Variants in SHC3 observed in about 807,000 individuals in gnomAD.
The protein encoded by SHC3 is SHC-transforming protein 3.
Under a neutral mutation model 60.4 loss-of-function variants are expected in SHC3, and 15 were observed. The observed-to-expected ratio is 0.25, with a 90% CI of 0.17 to 0.38. The LOEUF (loss-of-function observed/expected upper bound fraction) is 0.38. Ranked by LOEUF, SHC3 falls within the 10% of genes least tolerant of loss-of-function variation. SHC3 has a pLI of 1.00. For synonymous variants in SHC3, 294 were observed against 325.9 expected, an observed-to-expected ratio of 0.90 and a Z score of 1.05; for missense variants, 677 against 786.1, an observed-to-expected ratio of 0.86 and a Z score of 1.66.
rs189690791 is a variant in SHC3 at position 89,140,342 on chromosome 9, C to G, written c.475-27716G>C. Among the ~76,000 whole-genome samples the G allele has an allele frequency of 1.4e-4, 22 of 152,160 alleles. No individual in the cohort carries two copies. In the East Asian group the frequency reaches 2.5e-3, roughly 17 times the overall value. ...GCTGGAAGGCAAACAGATTCCCCCC[C>G]CCAGATTAAGGGTCCTGCTTTTATA... is the stretch of plus-strand genomic sequence containing the variant. On this transcript the variant is annotated intron_variant, in intron 1 of 11. Coordinates refer to ENST00000375835, the MANE Select transcript of SHC3 (RefSeq NM_016848.6).
intron 1 of SHC3, among the ~76,000 whole-genome samples, chr9:89,170,922 C>T (rs887605908): frequency 6.6e-6 from 1 of 152,108 alleles, no homozygotes; most frequent in Non-Finnish European, 1.5e-5. Context: ...TGAACATGCT[C>T]GAATTTTGGT....
intron 5 of SHC3, among the ~76,000 whole-genome samples, chr9:89,068,211 C>T (rs1352018380): frequency 6.6e-6 from 1 of 152,228 alleles, no homozygotes; most frequent in Admixed American, 6.5e-5. Flanking sequence ...CCAAGACCCC[C>T]TGTGCCTGGC....
chr9:89,063,817 T>A (rs1825131157), intron 6 of SHC3, among the ~76,000 whole-genome samples: 1 of 152,262 alleles, frequency 6.6e-6, no homozygotes, highest in African/African-American at 2.4e-5. Flanking sequence ...TTGAAGTAGT[T>A]TGTTACAGGC....
intron 1 of SHC3, among the ~76,000 whole-genome samples, chr9:89,147,799 T>G (rs948715506): frequency 6.6e-6 from 1 of 151,920 alleles, no homozygotes; most frequent in Non-Finnish European, 1.5e-5. Flanking sequence ...ATTCCCTTCC[T>G]CCCTGATGAT....
chr9:89,087,461 C>A (rs1281007990), intron 2 of SHC3, among the ~76,000 whole-genome samples: 1 of 152,142 alleles, frequency 6.6e-6, no homozygotes, highest in Non-Finnish European at 1.5e-5. Flanking sequence ...ATGGCCTCCC[C>A]CTGCTCTTGG....
Position 89,138,768 on chromosome 9 carries a change from A to T in SHC3, c.475-26142T>A, listed in dbSNP as rs545836973. Among the ~76,000 whole-genome samples, 3 of 152,198 alleles carry T rather than the reference A, an allele frequency of 2.0e-5. No individual in the cohort carries two copies. The South Asian group carries it at 6.2e-4, about 32-fold the overall frequency. ...TCCTAAGGGTTGCGGAGGGATAAAG[A>T]TCCATCTTCTGTAACTTCTTCAGGA... is the stretch of plus-strand genomic sequence containing the variant. On this transcript the variant is annotated intron_variant, in intron 1 of 11. Transcript: ENST00000375835.
intron 8 of SHC3, 120 bp from the exon 9 acceptor site, chr9:89,045,953 C>A (rs1277632109): frequency 1.2e-6 from 1 of 854,748 alleles, no homozygotes; most frequent in East Asian, 2.7e-5. Flanking sequence ...CTCTGTTACA[C>A]CCAATTTTCC....
intron 3 of SHC3, 36 bp from the exon 4 acceptor site, chr9:89,075,264 T>A: frequency 1.2e-6 from 2 of 1,608,282 alleles, no homozygotes; most frequent in African/African-American, 2.7e-5. Context: ...AGCTGTTTCA[T>A]TTCCATCTCA....
At chr9:89,087,767 T>G (rs533384783) in intron 2 of SHC3, among the ~76,000 whole-genome samples, 7 of 152,278 alleles carry the variant, frequency 4.6e-5, no homozygotes, top group Admixed American at 3.9e-4. Context: ...CTAGTTCAGG[T>G]CCTGATGGGA....
intron 1 of SHC3, among the ~76,000 whole-genome samples, chr9:89,151,802 G>T (rs2118219028): frequency 6.6e-6 from 1 of 152,252 alleles, no homozygotes; most frequent in South Asian, 2.1e-4. Context: ...ATAATTCATG[G>T]ACATTTTAAG....
intron 1 of SHC3, among the ~76,000 whole-genome samples, chr9:89,114,858 A>C (rs553690782): frequency 6.6e-6 from 1 of 152,180 alleles, no homozygotes; most frequent in Non-Finnish European, 1.5e-5. Context: ...GCAACACTGC[A>C]GTTATGTGAA....
chr9:89,110,149 T>A (rs1325013007), intron 2 of SHC3: 1 of 985,434 alleles, frequency 1.0e-6, no homozygotes, highest in Non-Finnish European at 1.2e-6. Flanking sequence ...ACTAAGAAGA[T>A]TTTATACATA....
intron 1 of SHC3, among the ~76,000 whole-genome samples, chr9:89,174,263 A>G (rs1027433561): frequency 1.3e-5 from 2 of 152,268 alleles, no homozygotes; most frequent in African/African-American, 4.8e-5. Flanking sequence ...ATATCATTAG[A>G]TGCACAAATG....
intron 2 of SHC3, among the ~76,000 whole-genome samples, chr9:89,080,239 C>A (rs1357194909): frequency 6.6e-6 from 1 of 152,084 alleles, no homozygotes; most frequent in Non-Finnish European, 1.5e-5. Flanking sequence ...ACCAATTTTG[C>A]CCTGTTTTTA....
rs747066831 is a variant in SHC3 at position 89,042,103 on chromosome 9, T to A, written c.1283A>T (p.Gln428Leu). Reference sequence around the variant, plus strand: ...CGGCCAGGCCTGTGGTGGGATCTGCTGAGTGTTGACGTAGGTGGGTGCTTC... The same window carrying A: ...CGGCCAGGCCTGTGGTGGGATCTGCAGAGTGTTGACGTAGGTGGGTGCTTC... ...TGEAPTYVNT[Q>L]QIPPQAWPAA... Residue 428 changes from glutamine to leucine, a missense_variant, in exon 10 of 12, where the codon CAG becomes CTG. Coordinates refer to ENST00000375835, the MANE Select transcript of SHC3 (RefSeq NM_016848.6). 4 of 1,596,460 alleles carry A rather than the reference T, an allele frequency of 2.5e-6. No individual in the cohort carries two copies. Among genetic ancestry groups the A allele is most frequent in the Non-Finnish European group, 3.4e-6 (4 of 1,175,408 alleles).
chr9:89,167,382 C>A (rs1016896321), intron 1 of SHC3, among the ~76,000 whole-genome samples: 1 of 152,162 alleles, frequency 6.6e-6, no homozygotes, highest in African/African-American at 2.4e-5. Context: ...TCCCAGAGAC[C>A]AGAGGAGACC....
chr9:89,014,838 A>T (rs1826068430), intron 11 of SHC3, among the ~76,000 whole-genome samples: 1 of 152,084 alleles, frequency 6.6e-6, no homozygotes, highest in African/African-American at 2.4e-5. Flanking sequence ...AGGTGTGCAT[A>T]TTGGAAATCC....
chr9:89,097,270 AT>A (rs1021331991), intron 2 of SHC3, among the ~76,000 whole-genome samples: 6 of 152,226 alleles, frequency 3.9e-5, no homozygotes, highest in Admixed American at 3.3e-4. Context: ...GGCCAATTTA[AT>A]TTAATTTTCA....
chr9:89,029,456 G>C (rs1467575562), intron 11 of SHC3, among the ~76,000 whole-genome samples: 1 of 152,126 alleles, frequency 6.6e-6, no homozygotes, highest in Non-Finnish European at 1.5e-5. Context: ...TTAATCAAAA[G>C]TGACTGAAAA....
Sources: gnomAD v4.1 joint callset for allele counts (sites outside exome capture counted in the v4.1 genomes callset) on GRCh38, gnomAD v4.1.1 for gene constraint, MANE v1.5 for transcripts, NCBI Gene and HGNC (gene_info 2026-07-23, HGNC 2026-07-21) for gene names.